ARFGEF3: variants seen among roughly 807,000 people sequenced by gnomAD.
ARFGEF3 encodes the protein ARFGEF family member 3.
ARFGEF3 carries 96 observed loss-of-function variants against 221.7 expected under a neutral mutation model. That is an observed-to-expected ratio of 0.43 (90% CI 0.37 to 0.51). The LOEUF is 0.51. Among genes scored for constraint, ARFGEF3 ranks in the 20% least tolerant of loss-of-function variants. The pLI is 0.00. For synonymous variants in ARFGEF3, 1,145 were observed against 1,126.8 expected (o/e 1.02, Z -0.32); for missense variants, 2,410 against 2,789.9 (o/e 0.86, Z 3.07).
At chr6:138,327,434 G>GT (rs1321088445) in intron 31 of ARFGEF3, among the ~76,000 whole-genome samples, 1 of 152,150 alleles carries the variant, frequency 6.6e-6, no homozygotes, top group Non-Finnish European at 1.5e-5. Flanking sequence ...GGACAACAGA[G>GT]TGAGACCCTG....
At chr6:138,165,226 A>T (rs1203624475) in intron 1 of ARFGEF3, among the ~76,000 whole-genome samples, 1 of 151,690 alleles carries the variant, frequency 6.6e-6, no homozygotes, top group Non-Finnish European at 1.5e-5. Flanking sequence ...TCCCCCACTT[A>T]GACCCTCATG....
At chr6:138,271,082 T>C (rs553061705) in intron 12 of ARFGEF3, among the ~76,000 whole-genome samples, 1 of 152,310 alleles carries the variant, frequency 6.6e-6, no homozygotes, top group African/African-American at 2.4e-5. Context: ...GAGAGTTTGC[T>C]TGCTTGCTTT....
At chr6:138,208,518 C>T (rs1369337775) in intron 3 of ARFGEF3, among the ~76,000 whole-genome samples, 2 of 152,114 alleles carry the variant, frequency 1.3e-5, no homozygotes, top group Non-Finnish European at 2.9e-5. Context: ...TCAGAATTCT[C>T]AAAGTTCTTC....
intron 27 of ARFGEF3, among the ~76,000 whole-genome samples, chr6:138,319,304 G>A (rs866129538): frequency 7.9e-5 from 12 of 151,136 alleles, no homozygotes; most frequent in African/African-American, 2.9e-4. Context: ...TGAGTATGCA[G>A]ACCGAAGTTT....
chr6:138,206,983 A>G (rs777073254), intron 2 of ARFGEF3, 59 bp from the exon 3 acceptor site: 6 of 1,401,462 alleles, frequency 4.3e-6, no homozygotes, highest in African/African-American at 1.4e-5. Context: ...TAAGGCTTAC[A>G]TCACTTGACT....
chr6:138,186,173 A>G (rs1328002996), intron 2 of ARFGEF3, among the ~76,000 whole-genome samples: 1 of 152,216 alleles, frequency 6.6e-6, no homozygotes, highest in Non-Finnish European at 1.5e-5. Context: ...TGGGAAATGT[A>G]CTGGGACAGA....
chr6:138,208,740 C>T (rs1307481851), intron 3 of ARFGEF3, among the ~76,000 whole-genome samples: 1 of 152,118 alleles, frequency 6.6e-6, no homozygotes, highest in African/African-American at 2.4e-5. Flanking sequence ...ACCAACTAAG[C>T]TCATTTGACC....
chr6:138,291,955 A>G lies in ARFGEF3; in HGVS notation c.3270A>G (p.Glu1090=). The G allele has an allele frequency of 1.3e-6, 2 of 1,531,174 alleles. No homozygotes were observed. Among genetic ancestry groups the G allele is most frequent in the Non-Finnish European group, 8.8e-7 (1 of 1,140,306 alleles). 94.8% of individuals were successfully genotyped at this position (1,531,174 alleles called of 1,614,324 possible). ...QPLSIQDLVR[E]GSRGRASDFR... ...TGTCCATCCAGGACCTCGTCCGGGA[A>G]GGCAGCCGGGGTCGGGCCTCCGACT... The change falls in exon 19 of 34, where the codon GAA becomes GAG. Residue 1090 remains glutamate (E), a synonymous_variant. Coordinates refer to ENST00000251691, the MANE Select transcript of ARFGEF3 (RefSeq NM_020340.5). This position sits in a 1 kb window ranked among gnomAD's most constrained non-coding sequence, Gnocchi z 4.5.
At chr6:138,255,305 C>G (rs1778654563) in intron 9 of ARFGEF3, 131 bp from the exon 10 acceptor site, 3 of 614,704 alleles carry the variant, frequency 4.9e-6, no homozygotes, top group African/African-American at 1.8e-5. Context: ...AGAAAACAGG[C>G]AAAATGTAGC....
chr6:138,169,836 T>C (rs79483955), intron 1 of ARFGEF3, among the ~76,000 whole-genome samples: 5,601 of 152,352 alleles, frequency 0.037, 153 homozygotes, highest in Non-Finnish European at 0.058. Flanking sequence ...GAGTCTCTGA[T>C]ATATGTATAT....
intron 22 of ARFGEF3, among the ~76,000 whole-genome samples, chr6:138,303,860 CAAAAAAAAAAAAAAAAA>C (rs140349507): frequency 4.9e-5 from 1 of 20,610 alleles, no homozygotes; most frequent in South Asian, 2.6e-3. Flanking sequence ...GACTCCGTCT[CAAAAAAAAAAAAAAAAA>C]AAAAAAAAAA....
chr6:138,227,535 G>A (rs1482034373), intron 4 of ARFGEF3, among the ~76,000 whole-genome samples: 4 of 151,998 alleles, frequency 2.6e-5, no homozygotes, highest in South Asian at 4.2e-4. Context: ...TTTTCATATC[G>A]TAAAGTGGTG....
chr6:138,203,723 C>T (rs935453215), intron 2 of ARFGEF3, among the ~76,000 whole-genome samples: 15 of 152,268 alleles, frequency 9.9e-5, no homozygotes, highest in East Asian at 1.9e-4. Flanking sequence ...CTCACTGCAA[C>T]GCCTGCCTCC....
chr6:138,229,204 A>G (rs1474229877), intron 4 of ARFGEF3, among the ~76,000 whole-genome samples: 2 of 152,262 alleles, frequency 1.3e-5, no homozygotes, highest in Non-Finnish European at 2.9e-5. Context: ...GGAAAGGGAT[A>G]GGAATAGAAA....
intron 17 of ARFGEF3, 76 bp from the exon 18 acceptor site, chr6:138,289,740 GAC>G (rs1779364526): frequency 6.8e-7 from 1 of 1,472,742 alleles, no homozygotes; most frequent in East Asian, 2.5e-5. Flanking sequence ...GCCCTTGCAT[GAC>G]ACACATTCTT....
chr6:138,291,900 C>T lies in ARFGEF3; in HGVS notation c.3215C>T (p.Ser1072Phe). 2 of 1,490,370 alleles carry T rather than the reference C, an allele frequency of 1.3e-6. No homozygotes were observed. Among genetic ancestry groups the T allele is most frequent in the Non-Finnish European group, 1.8e-6 (2 of 1,115,132 alleles). The allele number at this position is 1,490,370 out of a possible 1,614,324, so 92.3% of individuals were successfully genotyped here. ...GAGCACAGCCCGGAGCAGGGGCGCT[C>T]CCTGAGCACGGCCCCTGTCGTCCAG... ...PPEHSPEQGR[S>F]LSTAPVVQPL... The change falls in exon 19 of 34, where the codon TCC (serine) becomes TTC (phenylalanine). Residue 1072 changes from serine to phenylalanine, a missense_variant. By Grantham distance (155) the Ser-to-Phe change is radical. Around this residue, in one of 5 missense-constraint regions of ARFGEF3, gnomAD observed 184 missense variants for 141.8 expected, o/e 1.30. Transcript: ENST00000251691. The surrounding 1 kb of genome is among the most constrained non-coding windows in gnomAD (Gnocchi z 4.5).
intron 6 of ARFGEF3, among the ~76,000 whole-genome samples, chr6:138,241,208 C>T (rs546744705): frequency 6.6e-6 from 1 of 152,288 alleles, no homozygotes; most frequent in Admixed American, 6.5e-5. Context: ...AGGTCTAGCG[C>T]CTAAAACTAA....
intron 4 of ARFGEF3, among the ~76,000 whole-genome samples, chr6:138,222,506 A>G (rs1777999609): frequency 6.6e-6 from 1 of 152,150 alleles, no homozygotes; most frequent in Non-Finnish European, 1.5e-5. Flanking sequence ...TTCACTTGTC[A>G]CAACTGGCAG....
chr6:138,255,545 G>A lies in ARFGEF3; in HGVS notation c.880G>A (p.Ala294Thr), dbSNP rs1430504419. 12 of 1,614,028 alleles carry A rather than the reference G, an allele frequency of 7.4e-6. No homozygotes were observed. Among genetic ancestry groups the A allele is most frequent in the Middle Eastern group, 1.6e-4 (1 of 6,062 alleles). Residue 294 changes from alanine to threonine, a missense_variant, in exon 10 of 34, where the codon GCG (alanine) becomes ACG (threonine). Coordinates refer to ENST00000251691, the MANE Select transcript of ARFGEF3 (RefSeq NM_020340.5). ...STSTSLESDS[A>T]SPGVSDHGRG... ...CAGTACCAGCCTGGAGTCGGACTCT[G>A]CGTCTCCGGGAGTGTCTGACCACGG...
Sources: allele counts gnomAD v4.1 joint callset (sites outside exome capture counted in the v4.1 genomes callset), GRCh38; gene constraint gnomAD v4.1.1; regional missense constraint gnomAD v4.1.1; non-coding constraint Gnocchi (gnomAD v3.1); transcripts MANE v1.5; gene names NCBI Gene and HGNC (gene_info 2026-07-23, HGNC 2026-07-21).